Variants in MERTK observed in about 807,000 individuals in gnomAD.
MERTK encodes the protein tyrosine-protein kinase Mer.
Under a neutral mutation model 99.3 loss-of-function variants are expected in MERTK, and 69 were observed. The observed-to-expected ratio is 0.70, with a 90% CI of 0.57 to 0.85. The LOEUF is 0.85. Among genes scored for constraint, MERTK ranks in the 40% least tolerant of loss-of-function variants. The pLI, the probability that MERTK is intolerant of heterozygous loss-of-function variation, is 0.00. For missense variants in MERTK, 1,125 were observed against 1,249.4 expected (o/e 0.90, Z 1.50); for synonymous variants, 426 against 467.6 (o/e 0.91, Z 1.15).
chr2:112,014,393 G>A (rs775329130), intron 15 of MERTK, among the ~76,000 whole-genome samples: 3 of 151,016 alleles, frequency 2.0e-5, no homozygotes, highest in Non-Finnish European at 2.9e-5. Flanking sequence ...TCAAACTCCC[G>A]ACCTCAAGTG....
intron 2 of MERTK, among the ~76,000 whole-genome samples, chr2:111,934,799 A>G (rs993811653): frequency 7.2e-5 from 11 of 152,152 alleles, no homozygotes; most frequent in Admixed American, 6.5e-4. Context: ...GCCCATGCCT[A>G]TGTCCTGAAT....
At chr2:112,003,257 A>G in intron 12 of MERTK, 70 bp downstream of exon 12, 3 of 758,948 alleles carry the variant, frequency 4.0e-6, no homozygotes, top group East Asian at 5.3e-5. Context: ...ATTCTTTAAC[A>G]TATATTTATT....
chr2:111,937,431 A>T (rs1157458052), intron 2 of MERTK, among the ~76,000 whole-genome samples: 1 of 152,164 alleles, frequency 6.6e-6, no homozygotes, highest in Non-Finnish European at 1.5e-5. Context: ...CAACGGAACA[A>T]CACTGCCTCG....
intron 2 of MERTK, among the ~76,000 whole-genome samples, chr2:111,937,505 G>A (rs1684785388): frequency 6.6e-6 from 1 of 151,992 alleles, no homozygotes; most frequent in Admixed American, 6.6e-5. Context: ...TTTCCTTTGG[G>A]GCCCCCATCT....
intron 4 of MERTK, among the ~76,000 whole-genome samples, chr2:111,947,923 TC>T (rs998340796): frequency 6.6e-6 from 1 of 151,976 alleles, no homozygotes; most frequent in African/African-American, 2.4e-5. Context: ...CGTGAAGACC[TC>T]AGTGGATTTG....
At chr2:111,962,330 A>C (rs540726646) in intron 4 of MERTK, among the ~76,000 whole-genome samples, 1 of 152,272 alleles carries the variant, frequency 6.6e-6, no homozygotes, top group East Asian at 1.9e-4. Flanking sequence ...CAACATGGTG[A>C]TACCCCGTCT....
chr2:111,957,965 A>C (rs577438985), intron 4 of MERTK, among the ~76,000 whole-genome samples: 1 of 152,302 alleles, frequency 6.6e-6, no homozygotes, highest in Admixed American at 6.5e-5. Flanking sequence ...CCTTCTCTCA[A>C]GGGAACATCC....
At chr2:111,936,703 G>C (rs1421740547) in intron 2 of MERTK, among the ~76,000 whole-genome samples, 1 of 152,132 alleles carries the variant, frequency 6.6e-6, no homozygotes, top group Non-Finnish European at 1.5e-5. Flanking sequence ...GAGTCAGTGG[G>C]CTGGGCCTCC....
chr2:112,022,102 G>A (rs1305173188), intron 17 of MERTK, among the ~76,000 whole-genome samples, 156 bp from the exon 18 acceptor site: 5 of 152,188 alleles, frequency 3.3e-5, no homozygotes, highest in East Asian at 1.9e-4. Context: ...CCAACCCCAC[G>A]TTATTGCCGC....
intron 8 of MERTK, among the ~76,000 whole-genome samples, chr2:111,985,355 G>C (rs1485739499): frequency 6.6e-6 from 1 of 152,178 alleles, no homozygotes; most frequent in African/African-American, 2.4e-5. Context: ...GGGAAAGGAA[G>C]AGAGTGGGGT....
At position 112,028,638 on chromosome 2, in the gene MERTK, A is replaced by T; in HGVS notation, c.2774A>T (p.His925Leu). ...VTAEVHDSKP[H>L]EGRYILNGGS... ...GCAGAAGTTCATGACAGCAAACCTC[A>T]TGAAGGACGGTACATCCTGAATGGG... Residue 925 changes from histidine (H) to leucine (L), a missense_variant, in exon 19 of 19, where the codon CAT becomes CTT. Transcript: ENST00000295408. The T allele has an allele frequency of 6.2e-7, 1 of 1,614,008 alleles. No individual in the cohort carries two copies. The highest frequency in any genetic ancestry group is 8.5e-7 in the Non-Finnish European group (1 of 1,179,890).
At position 111,898,780 on chromosome 2, in the gene MERTK, C is replaced by T. The variant is rs748928622; in HGVS notation, c.45C>T (p.Pro15=). The T allele has an allele frequency of 3.8e-5, 60 of 1,597,904 alleles. No homozygotes were observed. The highest frequency in any genetic ancestry group is 6.9e-5 in the Admixed American group (4 of 58,180). ...PLPLLLGLFL[P]ALWRRAITEA... Reference sequence around the variant, plus strand: ...CGCTGCTGCTGGGCCTCTTCCTCCCCGCGCTCTGGCGTAGAGGTGAGTGCG... The same window carrying T: ...CGCTGCTGCTGGGCCTCTTCCTCCCTGCGCTCTGGCGTAGAGGTGAGTGCG... The change falls in exon 1 of 19, where the codon CCC becomes CCT. Residue 15 remains proline (P), a synonymous_variant. Coordinates refer to ENST00000295408, the MANE Select transcript of MERTK (RefSeq NM_006343.3).
At chr2:112,004,573 A>G (rs1275397728) in intron 13 of MERTK, among the ~76,000 whole-genome samples, 1 of 152,214 alleles carries the variant, frequency 6.6e-6, no homozygotes, top group African/African-American at 2.4e-5. Flanking sequence ...CTTGTAAGTC[A>G]CAGCCAAGAA....
chr2:111,961,808 A>G (rs578177985), intron 4 of MERTK, among the ~76,000 whole-genome samples: 1 of 152,260 alleles, frequency 6.6e-6, no homozygotes, highest in African/African-American at 2.4e-5. Context: ...TCAGACATGC[A>G]TTTTTTCTAC....
chr2:111,909,069 C>T (rs183547918), intron 1 of MERTK, among the ~76,000 whole-genome samples: 211 of 152,252 alleles, frequency 1.4e-3, no homozygotes, highest in South Asian at 3.9e-3. Flanking sequence ...AAAATTACAA[C>T]CTGGTTTCAT....
intron 4 of MERTK, among the ~76,000 whole-genome samples, chr2:111,959,926 A>T (rs1249950321): frequency 1.3e-5 from 2 of 152,184 alleles, no homozygotes; most frequent in Non-Finnish European, 2.9e-5. Flanking sequence ...ACAAGCATAC[A>T]CTTCATTGGC....
intron 3 of MERTK, 106 bp downstream of exon 3, chr2:111,945,166 C>A: frequency 1.2e-6 from 1 of 854,006 alleles, no homozygotes; most frequent in Non-Finnish European, 1.9e-6. Context: ...CTATTTATAA[C>A]TCTGTATGCA....
chr2:112,004,610 C>T lies in MERTK; in HGVS notation c.1867+626C>T, dbSNP rs1302633172. On this transcript the variant is annotated intron_variant, in intron 13 of 18. Transcript: ENST00000295408. The stretch of plus-strand genomic sequence containing the variant: ...CTGCTTTATCCTGCAAGGAGTAGAG[C>T]GCTATTAAGAGGCTTAACCAGCCGG... 3.3e-5 allele frequency among the ~76,000 whole-genome samples: 5 copies of T among 152,100 alleles called. No individual in the cohort carries two copies. The East Asian group carries it at 5.8e-4, about 18-fold the overall frequency.
At chr2:112,017,324 G>A (rs570406535) in intron 15 of MERTK, among the ~76,000 whole-genome samples, 3 of 151,910 alleles carry the variant, frequency 2.0e-5, no homozygotes, top group South Asian at 2.1e-4. Flanking sequence ...AGCTAGACAC[G>A]GAGCACTGAT....
Sources: gnomAD v4.1 joint callset for allele counts (sites outside exome capture counted in the v4.1 genomes callset) on GRCh38, gnomAD v4.1.1 for gene constraint, MANE v1.5 for transcripts, NCBI Gene and HGNC (gene_info 2026-07-23, HGNC 2026-07-21) for gene names.